The following PDE3A variants were observed in gnomAD, a reference collection of about 807,000 sequenced individuals.
PDE3A encodes cGMP-inhibited 3',5'-cyclic phosphodiesterase 3A.
A neutral mutation model predicts 98.3 loss-of-function variants in PDE3A; 43 were observed. That is an observed-to-expected ratio of 0.44 (90% CI 0.34 to 0.56). The LOEUF is 0.56. PDE3A is among the 20% of genes least tolerant of loss of function. The pLI, the probability that PDE3A is intolerant of heterozygous loss-of-function variation, is 0.01. For missense variants in PDE3A, 1,427 were observed against 1,440.7 expected, an observed-to-expected ratio of 0.99 and a Z score of 0.15; for synonymous variants, 663 against 567.9, an observed-to-expected ratio of 1.17 and a Z score of -2.38.
Position 20,650,447 on chromosome 12 carries a change from A to T in PDE3A, c.2772A>T (p.Val924=). ...TATTAACTTTATCTCTCAAATAGGT[A>T]AATGATGATGTTGGAATAGATTGGA... ...FDFVAKFNGK[V]NDDVGIDWTN... is the part of the protein sequence containing the mutation. The change falls in exon 14 of 16, where the codon GTA becomes GTT. Residue 924 remains valine (V), a splice_region_variant and synonymous_variant. Transcript: ENST00000359062. The T allele has an allele frequency of 1.3e-6, 2 of 1,596,508 alleles. No homozygotes were observed. The highest frequency in any genetic ancestry group is 1.7e-6 in the Non-Finnish European group (2 of 1,168,642).
At chr12:20,371,889 A>G (rs1173779682) in intron 1 of PDE3A, among the ~76,000 whole-genome samples, 1 of 152,196 alleles carries the variant, frequency 6.6e-6, no homozygotes, top group Non-Finnish European at 1.5e-5. Flanking sequence ...AAGTATGTTC[A>G]GAATACACTA....
At chr12:20,467,867 G>A (rs1238043817) in intron 1 of PDE3A, among the ~76,000 whole-genome samples, 4 of 138,004 alleles carry the variant, frequency 2.9e-5, no homozygotes, top group Non-Finnish European at 6.1e-5. Context: ...CCCGGGAGGC[G>A]GAGGTTGCAG....
chr12:20,557,935 C>T (rs1266621914), intron 2 of PDE3A, among the ~76,000 whole-genome samples: 3 of 151,970 alleles, frequency 2.0e-5, no homozygotes, highest in East Asian at 1.9e-4. Context: ...ATTAAATTAA[C>T]ATAGAGTAAA....
intron 1 of PDE3A, among the ~76,000 whole-genome samples, chr12:20,485,334 AT>A (rs34580609): frequency 0.18 from 26,676 of 152,082 alleles, 2,515 homozygotes; most frequent in East Asian, 0.27. Flanking sequence ...ACACAGACAT[AT>A]TGGATTGGAA....
intron 2 of PDE3A, among the ~76,000 whole-genome samples, chr12:20,592,546 A>T (rs1485692154): frequency 6.6e-6 from 1 of 152,176 alleles, no homozygotes; most frequent in Non-Finnish European, 1.5e-5. Context: ...ACTTTCTGTG[A>T]AGTGTCCACC....
chr12:20,492,888 G>C (rs1436278692), intron 1 of PDE3A, among the ~76,000 whole-genome samples: 1 of 152,082 alleles, frequency 6.6e-6, no homozygotes, highest in Non-Finnish European at 1.5e-5. Flanking sequence ...GATGAGTAAG[G>C]GTGGGGTGGT....
At chr12:20,549,093 A>G (rs1346026542) in intron 1 of PDE3A, among the ~76,000 whole-genome samples, 1 of 152,114 alleles carries the variant, frequency 6.6e-6, no homozygotes, top group Non-Finnish European at 1.5e-5. Context: ...TTTATTTTAA[A>G]TAATCTGTAA....
chr12:20,553,027 C>T lies in PDE3A; in HGVS notation c.961-3633C>T. On this transcript the variant is annotated intron_variant, in intron 1 of 15. Coordinates refer to ENST00000359062, the MANE Select transcript of PDE3A (RefSeq NM_000921.5). ...TGGCCGGTGATCTCCAAGCACTTCTCGACAGGCGTTTTGCTGAAAACGTGT... is the reference window on the plus strand; with the variant it reads ...TGGCCGGTGATCTCCAAGCACTTCTTGACAGGCGTTTTGCTGAAAACGTGT... The T allele has an allele frequency of 4.0e-6, 6 of 1,488,440 alleles. No individual in the cohort carries two copies. In the South Asian group the frequency reaches 6.1e-5, roughly 15 times the overall value. 92.2% of individuals were successfully genotyped at this position (1,488,440 alleles called of 1,614,324 possible). A position where few individuals can be genotyped will look rare whatever the true frequency, so the allele number is the denominator to read the frequency against.
intron 1 of PDE3A, among the ~76,000 whole-genome samples, chr12:20,505,391 C>G (rs1471019803): frequency 1.3e-5 from 2 of 152,052 alleles, no homozygotes; most frequent in Non-Finnish European, 2.9e-5. Flanking sequence ...CAATCTAATT[C>G]AACTGCTAGA....
intron 1 of PDE3A, among the ~76,000 whole-genome samples, chr12:20,530,931 A>G (rs1300206104): frequency 6.6e-6 from 1 of 152,136 alleles, no homozygotes; most frequent in Non-Finnish European, 1.5e-5. Flanking sequence ...GAAAATGAAA[A>G]GATATTTTTT....
At chr12:20,645,077 C>A (rs11045363) in intron 10 of PDE3A, among the ~76,000 whole-genome samples, 35,683 of 151,478 alleles carry the variant, frequency 0.24, 4,258 homozygotes, top group Middle Eastern at 0.28. Context: ...TTGGTATAGA[C>A]GGGATTTTAC....
chr12:20,621,456 T>G, intron 5 of PDE3A, 45 bp downstream of exon 5: 2 of 1,010,100 alleles, frequency 2.0e-6, no homozygotes, highest in Non-Finnish European at 3.2e-6. Flanking sequence ...GAGTGTGGAG[T>G]TCTAGAGTAA....
intron 1 of PDE3A, among the ~76,000 whole-genome samples, chr12:20,435,311 C>G (rs561877303): frequency 2.6e-4 from 40 of 152,228 alleles, no homozygotes; most frequent in Non-Finnish European, 5.3e-4. Flanking sequence ...TATCCCTCTG[C>G]TGTTGAATGA....
chr12:20,524,844 A>T (rs540907401), intron 1 of PDE3A, among the ~76,000 whole-genome samples: 1 of 152,110 alleles, frequency 6.6e-6, no homozygotes, highest in Admixed American at 6.5e-5. Flanking sequence ...TGGTTAGAAG[A>T]TGGAGCTAGG....
chr12:20,395,758 AT>A (rs1487179870), intron 1 of PDE3A, among the ~76,000 whole-genome samples: 1 of 150,894 alleles, frequency 6.6e-6, no homozygotes, highest in African/African-American at 2.4e-5. Context: ...ATATTTGACA[AT>A]TTGGGGAGAC....
In PDE3A at chr12:20,369,565, A is replaced by AGGC. The variant is rs760131099; in HGVS notation, c.293_295dup (p.Ala98dup). On this transcript the variant is annotated inframe_insertion, in exon 1 of 16. Transcript: ENST00000359062. ...GGCTGTGACCTGGAGCAGTGTAAGG[A>AGGC]GGCGGCGGCGGCGGAGGAGGAGGAA... 122 of 1,555,934 alleles carry AGGC rather than the reference A, an allele frequency of 7.8e-5. 1 individual carries two copies. The African/African-American group carries it at 1.2e-3, about 16-fold the overall frequency.
At chr12:20,431,100 G>T (rs1239214365) in intron 1 of PDE3A, among the ~76,000 whole-genome samples, 2 of 151,976 alleles carry the variant, frequency 1.3e-5, no homozygotes, top group Non-Finnish European at 2.9e-5. Context: ...AATATTATCT[G>T]CCCGTCTTTA....
At chr12:20,532,127 C>G (rs1218287661) in intron 1 of PDE3A, among the ~76,000 whole-genome samples, 1 of 151,756 alleles carries the variant, frequency 6.6e-6, no homozygotes, top group African/African-American at 2.4e-5. Context: ...AATATGTTCT[C>G]TGAATGCAAA....
chr12:20,508,417 T>C (rs926985935), intron 1 of PDE3A, among the ~76,000 whole-genome samples: 2 of 149,212 alleles, frequency 1.3e-5, no homozygotes, highest in African/African-American at 2.4e-5. Flanking sequence ...CCTGGTTTGT[T>C]TTTTTTTTTT....
Sources: gnomAD v4.1 joint callset for allele counts (sites outside exome capture counted in the v4.1 genomes callset) on GRCh38, gnomAD v4.1.1 for gene constraint, MANE v1.5 for transcripts, NCBI Gene and HGNC (gene_info 2026-07-23, HGNC 2026-07-21) for gene names.